The following TMEM68 variants were observed in gnomAD, a reference collection of about 807,000 sequenced individuals.
The protein encoded by TMEM68 is transmembrane protein 68.
Under a neutral mutation model 36.9 loss-of-function variants are expected in TMEM68, and 25 were observed. The observed-to-expected ratio is 0.68, with a 90% CI of 0.49 to 0.95. The LOEUF (loss-of-function observed/expected upper bound fraction) is 0.95, where lower values mean the gene tolerates loss of function less well. Among genes scored for constraint, TMEM68 ranks in the 40% least tolerant of loss-of-function variants. The probability of loss-of-function intolerance (pLI) is 0.00; values close to 1 mark genes in which losing one functional copy is unlikely to be tolerated. For missense variants in TMEM68, 333 were observed against 392.0 expected, an observed-to-expected ratio of 0.85 and a Z score of 1.27; for synonymous variants, 131 against 124.4, an observed-to-expected ratio of 1.05 and a Z score of -0.35.
chr8:55,773,310 AG>A lies in TMEM68; in HGVS notation c.-157del. The stretch of plus-strand genomic sequence containing the variant: ...AAGCTCTTCGGGGGATCAGTGGCCA[AG>A]GGGGCGGACAGATTTGCACGGCGGA... On this transcript the variant is annotated 5_prime_UTR_variant, in exon 1 of 8. Transcript: ENST00000434581. 4.1e-6 allele frequency: 1 copy of A among 245,806 alleles called. No homozygotes were observed. The highest frequency in any genetic ancestry group is 7.9e-6 in the Non-Finnish European group (1 of 126,942). The allele number at this position is 245,806 out of a possible 1,614,324, so 15.2% of individuals were successfully genotyped here.
Position 55,756,360 on chromosome 8 carries a change from A to G in TMEM68, c.377T>C (p.Ile126Thr), listed in dbSNP as rs1483493054. Residue 126 changes from isoleucine (I) to threonine (T), a missense_variant, in exon 4 of 8, where the codon ATA (isoleucine) becomes ACA (threonine). By Grantham distance (89) the Ile-to-Thr change is moderately conservative. Transcript: ENST00000434581. ...EKIPEDGPAL[I>T]IFYHGAIPID... is the part of the protein sequence containing the mutation. ...AGGAATAGCTCCATGATAAAAAATTATAAGTGCTGGTCCATCTTCTGGTAT... is the reference window on the plus strand; with the variant it reads ...AGGAATAGCTCCATGATAAAAAATTGTAAGTGCTGGTCCATCTTCTGGTAT... 1.5e-5 allele frequency: 24 copies of G among 1,603,698 alleles called. No homozygotes were observed. The highest frequency in any genetic ancestry group is 2.3e-5 in the South Asian group (2 of 87,798).
intron 1 of TMEM68, among the ~76,000 whole-genome samples, chr8:55,769,578 C>A (rs927394599): frequency 2.6e-5 from 4 of 152,092 alleles, no homozygotes; most frequent in African/African-American, 9.6e-5. Context: ...TACTTTCTGG[C>A]ACATAGTAGG....
In TMEM68 at chr8:55,756,505, T is replaced by G. The variant is rs1810613167; in HGVS notation, c.326-94A>C. The G allele has an allele frequency of 9.3e-6, 10 of 1,078,324 alleles. 1 individual carries two copies. The South Asian group carries it at 1.8e-4, about 19-fold the overall frequency. 66.8% of individuals were successfully genotyped at this position (1,078,324 alleles called of 1,614,324 possible). On this transcript the variant is annotated intron_variant, in intron 3 of 7. Coordinates refer to ENST00000434581, the MANE Select transcript of TMEM68 (RefSeq NM_001286657.2). ...GTAGCTCAGTCTTTTCTCACAAAAG[T>G]ACACTAGTCTTCCTGGTTCTCTTCC... is the stretch of plus-strand genomic sequence containing the variant.
At chr8:55,764,852 C>T (rs1271452778) in intron 1 of TMEM68, among the ~76,000 whole-genome samples, 2 of 152,172 alleles carry the variant, frequency 1.3e-5, no homozygotes, top group African/African-American at 4.8e-5. Context: ...GCAGGTGGAT[C>T]ACCTGAGGTC....
At chr8:55,759,991 C>T (rs1269423960) in intron 3 of TMEM68, among the ~76,000 whole-genome samples, 1 of 152,180 alleles carries the variant, frequency 6.6e-6, no homozygotes, top group African/African-American at 2.4e-5. Flanking sequence ...GAGTAAATGA[C>T]AGGATGAAAG....
At chr8:55,743,367 AGAACCACTGACCTAGACAT>A (rs1347277852) in intron 7 of TMEM68, 95 bp downstream of exon 7, 1 of 1,308,626 alleles carries the variant, frequency 7.6e-7, no homozygotes, top group Admixed American at 2.8e-5. Context: ...CCTCTGGTTG[AGAACCACTGACCTAGACAT>A]GCTTGTAGAA....
In TMEM68 at chr8:55,740,200, C is replaced by G. The variant is rs1033495564; in HGVS notation, c.907G>C (p.Ala303Pro). 6.2e-7 allele frequency: 1 copy of G among 1,613,166 alleles called. No individual in the cohort carries two copies. The highest frequency in any genetic ancestry group is 8.5e-7 in the Non-Finnish European group (1 of 1,179,680). ...LAEKTKNAVQ[A>P]LIDKHQRIPG... ...ATTCTTTGGTGCTTATCAATCAAAG[C>G]TTGAACAGCATTCTTCGTCTATTAA... Residue 303 changes from alanine to proline, a missense_variant, in exon 8 of 8, where the codon GCT (alanine) becomes CCT (proline). Transcript: ENST00000434581.
At chr8:55,762,594 C>T (rs756949083) in intron 3 of TMEM68, 41 bp downstream of exon 3, 9 of 1,613,152 alleles carry the variant, frequency 5.6e-6, no homozygotes, top group Non-Finnish European at 7.6e-6. Flanking sequence ...CAATGCAGCA[C>T]ACATGAATGG....
intron 1 of TMEM68, among the ~76,000 whole-genome samples, chr8:55,764,238 TTTTCAAAAGC>T (rs1373056476): frequency 6.6e-6 from 1 of 152,204 alleles, no homozygotes; most frequent in East Asian, 1.9e-4. Context: ...TTAAACAAAG[TTTTCAAAAGC>T]TTTGTTTCTT....
intron 1 of TMEM68, among the ~76,000 whole-genome samples, chr8:55,765,334 C>T (rs543092202): frequency 3.9e-5 from 6 of 152,270 alleles, no homozygotes; most frequent in African/African-American, 9.6e-5. Flanking sequence ...ACTTCTCAGC[C>T]CCTGGTTTCT....
At chr8:55,765,357 A>T (rs1192644930) in intron 1 of TMEM68, among the ~76,000 whole-genome samples, 2 of 152,178 alleles carry the variant, frequency 1.3e-5, no homozygotes, top group Non-Finnish European at 2.9e-5. Context: ...AGCTTTCAGC[A>T]CTCAAGACCA....
rs967473921 is a variant in TMEM68 at position 55,755,270 on chromosome 8, CT to C, written c.493+973del. Reference sequence around the variant, plus strand: ...AATATTACATGAAGACAAAATATATCTTTTTTTTTTTTTTGAGACGGAGTCT... The same window carrying C: ...AATATTACATGAAGACAAAATATATCTTTTTTTTTTTTTGAGACGGAGTCT... On this transcript the variant is annotated intron_variant, in intron 4 of 7. Transcript: ENST00000434581. 3.5e-3 allele frequency among the ~76,000 whole-genome samples: 500 copies of C among 143,512 alleles called. 4 individuals carry two copies. The highest frequency in any genetic ancestry group is 7.5e-3 in the African/African-American group (298 of 39,514). The allele number at this position is 143,512 out of a possible 152,430, so 94.1% of individuals were successfully genotyped here. A position where few individuals can be genotyped will look rare whatever the true frequency, so the allele number is the denominator to read the frequency against.
At chr8:55,758,413 A>C (rs1810673354) in intron 3 of TMEM68, among the ~76,000 whole-genome samples, 1 of 152,254 alleles carries the variant, frequency 6.6e-6, no homozygotes, top group South Asian at 2.1e-4. Context: ...TCAATAAAAA[A>C]TATGACATAA....
chr8:55,768,559 T>C (rs1811047922), intron 1 of TMEM68, among the ~76,000 whole-genome samples: 1 of 151,354 alleles, frequency 6.6e-6, no homozygotes, highest in South Asian at 2.1e-4. Flanking sequence ...AAAAAAAAAA[T>C]TTAGGCCAGG....
intron 5 of TMEM68, among the ~76,000 whole-genome samples, chr8:55,748,290 C>T (rs990631218): frequency 1.3e-5 from 2 of 152,214 alleles, no homozygotes; most frequent in African/African-American, 4.8e-5. Flanking sequence ...GCCTCAGCCT[C>T]CCATGTAGCT....
intron 1 of TMEM68, among the ~76,000 whole-genome samples, chr8:55,764,527 G>A (rs1363867481): frequency 6.6e-6 from 1 of 152,210 alleles, no homozygotes; most frequent in Non-Finnish European, 1.5e-5. Context: ...AGGATGAAAG[G>A]AGAGGAGGAG....
intron 7 of TMEM68, 102 bp downstream of exon 7, chr8:55,743,379 C>A: frequency 7.2e-7 from 1 of 1,380,612 alleles, no homozygotes; most frequent in South Asian, 1.5e-5. Flanking sequence ...AACCACTGAC[C>A]TAGACATGCT....
At chr8:55,757,161 C>A (rs550041494) in intron 3 of TMEM68, among the ~76,000 whole-genome samples, 1 of 152,154 alleles carries the variant, frequency 6.6e-6, no homozygotes, top group African/African-American at 2.4e-5. Flanking sequence ...ATCACTCCCA[C>A]CCTACTGATG....
intron 4 of TMEM68, among the ~76,000 whole-genome samples, chr8:55,754,688 T>TATATATAAAATACATACTTATATATATA (rs1810530145): frequency 7.7e-6 from 1 of 129,734 alleles, no homozygotes; most frequent in Admixed American, 9.1e-5. Flanking sequence ...TAATATATAT[T>TATATATAAAATACATACTTATATATATA]ATATATGAAA....
Sources: allele counts gnomAD v4.1 joint callset (sites outside exome capture counted in the v4.1 genomes callset), GRCh38; gene constraint gnomAD v4.1.1; transcripts MANE v1.5; gene names NCBI Gene and HGNC (gene_info 2026-07-23, HGNC 2026-07-21).